The following PLD5 variants were observed in gnomAD, a reference collection of about 807,000 sequenced individuals.
The protein encoded by PLD5 is phospholipase D family member 5.
In PLD5, 36 loss-of-function variants were observed where a neutral mutation model predicts 61.1. The ratio of observed to expected loss-of-function variants is 0.59; its 90% confidence interval spans 0.45 to 0.78. The LOEUF (loss-of-function observed/expected upper bound fraction) is 0.78. Among genes scored for constraint, PLD5 ranks in the 30% least tolerant of loss-of-function variants. The probability of loss-of-function intolerance (pLI) is 0.00; values close to 1 mark genes in which losing one functional copy is unlikely to be tolerated. For missense variants in PLD5, 515 were observed against 644.4 expected, an observed-to-expected ratio of 0.80 and a Z score of 2.17; for synonymous variants, 243 against 242.8, an observed-to-expected ratio of 1.00 and a Z score of -0.01.
intron 5 of PLD5, among the ~76,000 whole-genome samples, chr1:242,203,318 C>T (rs945135405): frequency 6.6e-6 from 1 of 152,146 alleles, no homozygotes; most frequent in African/African-American, 2.4e-5. Flanking sequence ...CCCTTTTTTC[C>T]GCCATGAAGC....
chr1:242,484,794 G>C (rs1222181669), intron 1 of PLD5, among the ~76,000 whole-genome samples: 1 of 152,086 alleles, frequency 6.6e-6, no homozygotes. Flanking sequence ...GATGAACATC[G>C]ATGCAAAAAT....
At position 242,162,545 on chromosome 1, in the gene PLD5, A is replaced by G. The variant is rs371497723; in HGVS notation, c.736-37880T>C. Among the ~76,000 whole-genome samples, 5 of 152,174 alleles carry G rather than the reference A, an allele frequency of 3.3e-5. No homozygotes were observed. The South Asian group carries it at 1.0e-3, about 32-fold the overall frequency. The stretch of plus-strand genomic sequence containing the variant: ...TTTATTGCCTAGATTTAGCTATTTT[A>G]TTTTCTCAGTCCTGCAGACAACCTT... On this transcript the variant is annotated intron_variant, in intron 5 of 9. Transcript: ENST00000536534.
chr1:242,148,159 T>C (rs1267952479), intron 5 of PLD5, among the ~76,000 whole-genome samples: 1 of 151,982 alleles, frequency 6.6e-6, no homozygotes, highest in African/African-American at 2.4e-5. Context: ...TTAGTACTTA[T>C]ATTTAAGTCT....
chr1:242,530,268 G>T, the PLD5 span, among the ~76,000 whole-genome samples: 1 of 152,172 alleles, frequency 6.6e-6, no homozygotes, highest in Non-Finnish European at 1.5e-5. Flanking sequence ...CAGCTGTGGG[G>T]ACTCAACCAA....
At chr1:242,449,433 C>T in intron 1 of PLD5, 1 of 1,535,858 alleles carries the variant, frequency 6.5e-7, no homozygotes, top group Non-Finnish European at 8.7e-7. Context: ...CCCACAGCCT[C>T]TGGAGCCTTC....
At position 242,277,084 on chromosome 1, in the gene PLD5, G is replaced by A. The variant is rs79152188; in HGVS notation, c.495+11278C>T. ...ACAGTAGCTGAAAATTACCTGTGGG[G>A]TTGCTCGAGCGTCCACTCTGGCTGC... On this transcript the variant is annotated intron_variant, in intron 3 of 9. Transcript: ENST00000536534. Among the ~76,000 whole-genome samples, 25 of 152,186 alleles carry A rather than the reference G, an allele frequency of 1.6e-4. No homozygotes were observed. In the East Asian group the frequency reaches 4.7e-3, roughly 28 times the overall value.
intron 5 of PLD5, among the ~76,000 whole-genome samples, chr1:242,179,907 C>G (rs1445531084): frequency 8.0e-6 from 1 of 124,490 alleles, no homozygotes; most frequent in Non-Finnish European, 1.6e-5. Context: ...TGTCTCAAAA[C>G]AAAACCAAAA....
intron 4 of PLD5, among the ~76,000 whole-genome samples, chr1:242,246,518 A>ACACACACAG (rs1256880675): frequency 1.4e-5 from 1 of 73,712 alleles, no homozygotes; most frequent in East Asian, 3.8e-4. Flanking sequence ...CACACACACA[A>ACACACACAG]AAGCAAAATC....
intron 5 of PLD5, among the ~76,000 whole-genome samples, chr1:242,151,292 G>A (rs1225277386): frequency 6.6e-6 from 1 of 151,786 alleles, no homozygotes; most frequent in African/African-American, 2.4e-5. Context: ...TATTCTTTAT[G>A]CCTAAGGAAC....
At chr1:242,515,704 T>C (rs1415482083) in intron 1 of PLD5, among the ~76,000 whole-genome samples, 3 of 152,200 alleles carry the variant, frequency 2.0e-5, no homozygotes, top group Admixed American at 2.0e-4. Context: ...TCAACTATAG[T>C]TGGATATTAG....
chr1:242,522,823 G>A (rs1245366261), intron 1 of PLD5, among the ~76,000 whole-genome samples: 2 of 152,194 alleles, frequency 1.3e-5, no homozygotes, highest in South Asian at 2.1e-4. Context: ...TTAAGGATAT[G>A]AGGCATCCCT....
chr1:242,127,889 C>T (rs1662925196), intron 5 of PLD5, among the ~76,000 whole-genome samples: 1 of 152,166 alleles, frequency 6.6e-6, no homozygotes, highest in Non-Finnish European at 1.5e-5. Flanking sequence ...TCAAGGGAAT[C>T]ATTTGACTTT....
chr1:242,096,303 C>T (rs950305172), intron 9 of PLD5, among the ~76,000 whole-genome samples: 3 of 151,312 alleles, frequency 2.0e-5, no homozygotes, highest in African/African-American at 4.9e-5. Context: ...AAGTATCGAT[C>T]GATCGAAAGA....
intron 1 of PLD5, among the ~76,000 whole-genome samples, chr1:242,521,486 C>T (rs1381812177): frequency 1.3e-5 from 2 of 152,142 alleles, no homozygotes; most frequent in East Asian, 3.9e-4. Context: ...CAGGGGAATT[C>T]TGTTATTATG....
At chr1:242,265,087 G>A (rs1181335641) in intron 4 of PLD5, among the ~76,000 whole-genome samples, 1 of 152,200 alleles carries the variant, frequency 6.6e-6, no homozygotes, top group Non-Finnish European at 1.5e-5. Context: ...CTTCTTTCCA[G>A]TTAATCATCA....
chr1:242,286,137 A>G (rs1675009535), intron 3 of PLD5, among the ~76,000 whole-genome samples: 1 of 152,162 alleles, frequency 6.6e-6, no homozygotes, highest in Non-Finnish European at 1.5e-5. Flanking sequence ...AAATAAAAAT[A>G]TAAGTAGAAG....
At chr1:242,446,286 G>A (rs1314269389) in intron 1 of PLD5, among the ~76,000 whole-genome samples, 1 of 151,316 alleles carries the variant, frequency 6.6e-6, no homozygotes, top group Non-Finnish European at 1.5e-5. Context: ...GAAAAATAAA[G>A]AACCTGGATG....
At chr1:242,128,095 G>T (rs1166449199) in intron 5 of PLD5, among the ~76,000 whole-genome samples, 2 of 152,202 alleles carry the variant, frequency 1.3e-5, no homozygotes, top group East Asian at 3.9e-4. Flanking sequence ...TGGGAGGATT[G>T]TTTGTTCAAA....
intron 7 of PLD5, among the ~76,000 whole-genome samples, chr1:242,112,339 GTATA>G (rs5782215): frequency 7.0e-6 from 1 of 143,406 alleles, no homozygotes; most frequent in Non-Finnish European, 1.5e-5. Flanking sequence ...ATGTATATGT[GTATA>G]TATATATATA....
Sources: allele counts gnomAD v4.1 joint callset (sites outside exome capture counted in the v4.1 genomes callset), GRCh38; gene constraint gnomAD v4.1.1; transcripts MANE v1.5; gene names NCBI Gene and HGNC (gene_info 2026-07-23, HGNC 2026-07-21).